CRYBG3: variants seen among roughly 807,000 people sequenced by gnomAD.
The protein encoded by CRYBG3 is crystallin beta-gamma domain containing 3, also known as very large A-kinase anchor protein.
CRYBG3 carries 127 observed loss-of-function variants against 244.2 expected under a neutral mutation model. The ratio of observed to expected loss-of-function variants is 0.52; its 90% CI spans 0.45 to 0.60. The LOEUF is 0.60. CRYBG3 is among the 20% of genes least tolerant of loss of function. CRYBG3 has a pLI of 0.00. For missense variants in CRYBG3, 3,325 were observed against 3,442.5 expected (o/e 0.97, Z 0.85); for synonymous variants, 1,132 against 1,195.8 (o/e 0.95, Z 1.10).
rs575047229 is a variant in CRYBG3, at chr3:97,875,187, T to C, written c.3993T>C (p.Thr1331=). ...RNDTFEDTED[T]WDSELQANTS... ...ATACTTTTGAAGATACTGAGGATAC[T>C]TGGGATTCTGAACTTCAGGCTAATA... The change falls in exon 4 of 22, where the codon ACT becomes ACC. Residue 1331 remains threonine (T), a synonymous_variant. Transcript: ENST00000389622. 7.8e-6 allele frequency: 12 copies of C among 1,535,438 alleles called. No individual in the cohort carries two copies. In the Admixed American group the frequency reaches 1.8e-4, roughly 23 times the overall value.
intron 17 of CRYBG3, among the ~76,000 whole-genome samples, chr3:97,929,387 T>TA (rs2040074182): frequency 6.6e-6 from 1 of 151,890 alleles, no homozygotes; most frequent in Non-Finnish European, 1.5e-5. Context: ...ATCAGAAAAA[T>TA]ATGATTTTAA....
At chr3:97,844,445 A>G (rs2038869296) in intron 2 of CRYBG3, among the ~76,000 whole-genome samples, 1 of 152,184 alleles carries the variant, frequency 6.6e-6, no homozygotes, top group Non-Finnish European at 1.5e-5. Flanking sequence ...GTTTCATAGG[A>G]AGGCTGTTAC....
At chr3:97,825,312 T>C (rs2038563654) in intron 1 of CRYBG3, among the ~76,000 whole-genome samples, 1 of 152,216 alleles carries the variant, frequency 6.6e-6, no homozygotes, top group Non-Finnish European at 1.5e-5. Context: ...CTCAACTTTG[T>C]TTCTTGGCTG....
intron 15 of CRYBG3, among the ~76,000 whole-genome samples, chr3:97,902,377 A>G (rs1395319844): frequency 2.0e-5 from 3 of 151,770 alleles, no homozygotes; most frequent in Non-Finnish European, 4.4e-5. Flanking sequence ...TTATGATGAG[A>G]TATGGCTTAT....
Position 97,873,217 on chromosome 3 carries a change from A to C in CRYBG3, c.2023A>C (p.Met675Leu), listed in dbSNP as rs1290206023. 1 of 1,535,912 alleles carries C rather than the reference A, an allele frequency of 6.5e-7. No individual in the cohort carries two copies. The highest frequency in any genetic ancestry group is 1.2e-5 in the South Asian group (1 of 84,042). The change falls in exon 4 of 22, where the codon ATG becomes CTG. Residue 675 changes from methionine (M) to leucine (L), a missense_variant. This residue lies in a region of CRYBG3 where 1,526 missense variants were observed against 1,443.2 expected (regional missense o/e 1.06). Coordinates refer to ENST00000389622, the MANE Select transcript of CRYBG3 (RefSeq NM_153605.4). ...GAGCAAGTTGGATATTCCTGATTTA[A>C]TGAATGAGGGTTCTCCTGTGCCCAT... ...MLSKLDIPDL[M>L]NEGSPVPIET... is the part of the protein sequence containing the mutation.
chr3:97,880,951 A>G, intron 6 of CRYBG3, 121 bp from the exon 7 acceptor site: 1 of 653,130 alleles, frequency 1.5e-6, no homozygotes. Context: ...ATAGGGTTAT[A>G]TGCTAATAGT....
chr3:97,881,084 T>G lies in CRYBG3; in HGVS notation c.7017T>G (p.Tyr2339Ter), dbSNP rs573326845. The change falls in exon 7 of 22, where the codon TAT becomes TAG. Residue 2339 changes from tyrosine (Y) to a stop codon, truncating the protein, a stop_gained. Transcript: ENST00000389622. LOFTEE classifies it high-confidence loss of function. ...TCTCTTTGTTTAGCTGGATTTTATATGAGAAACCACATTTCCGAGGTCAGA... is the reference window on the plus strand; with the variant it reads ...TCTCTTTGTTTAGCTGGATTTTATAGGAGAAACCACATTTCCGAGGTCAGA... ...IKVVRGCWIL[Y>*]EKPHFRGQKC... is the part of the protein sequence containing the mutation. 2 of 1,590,834 alleles carry G rather than the reference T, an allele frequency of 1.3e-6. No homozygotes were observed. Among genetic ancestry groups the G allele is most frequent in the African/African-American group, 2.7e-5 (2 of 73,558 alleles).
chr3:97,894,140 A>G (rs2039612990), intron 11 of CRYBG3, among the ~76,000 whole-genome samples: 2 of 152,290 alleles, frequency 1.3e-5, no homozygotes, highest in African/African-American at 2.4e-5. Flanking sequence ...ACCCTGCTGT[A>G]AAATATTTTT....
intron 2 of CRYBG3, among the ~76,000 whole-genome samples, chr3:97,862,427 A>T (rs1241088473): frequency 1.2e-4 from 18 of 152,170 alleles, no homozygotes; most frequent in Admixed American, 1.2e-3. Flanking sequence ...GCGACATAGG[A>T]TGAGCAGCCA....
intron 15 of CRYBG3, among the ~76,000 whole-genome samples, chr3:97,907,002 A>T (rs2039783530): frequency 6.6e-6 from 1 of 151,672 alleles, no homozygotes; most frequent in Non-Finnish European, 1.5e-5. Context: ...TATTGAGATA[A>T]TCATGTGGTT....
At chr3:97,831,594 C>T (rs966414954) in intron 1 of CRYBG3, among the ~76,000 whole-genome samples, 1 of 152,028 alleles carries the variant, frequency 6.6e-6, no homozygotes, top group African/African-American at 2.4e-5. Flanking sequence ...AATTATTGTA[C>T]TGTTTATGAA....
Position 97,876,547 on chromosome 3 carries a change from G to A in CRYBG3, c.5353G>A (p.Glu1785Lys), listed in dbSNP as rs939100380. Residue 1785 changes from glutamate to lysine, a missense_variant, in exon 4 of 22, where the codon GAA becomes AAA. By Grantham distance (56) the Glu-to-Lys change is moderately conservative. Transcript: ENST00000389622. ...CACTGAAGGGTCTGTGTTGAAAATG[G>A]AAGCTACTTACCGAAAGACTGCTGA... ...GNTEGSVLKM[E>K]ATYRKTAEEV... is the part of the protein sequence containing the mutation. 1.6e-6 allele frequency: 2 copies of A among 1,232,084 alleles called. No homozygotes were observed. The highest frequency in any genetic ancestry group is 3.1e-5 in the African/African-American group (2 of 64,400). The allele number at this position is 1,232,084 out of a possible 1,614,324, so 76.3% of individuals were successfully genotyped here.
intron 15 of CRYBG3, 39 bp from the exon 16 acceptor site, chr3:97,912,128 T>A: frequency 9.1e-7 from 1 of 1,103,904 alleles, no homozygotes. Context: ...TCTAAGACCA[T>A]TTTTTTTCTA....
rs2038513131 is a variant in CRYBG3, at chr3:97,822,349, C to T, written c.143C>T (p.Ala48Val). 2 of 1,502,772 alleles carry T rather than the reference C, an allele frequency of 1.3e-6. No homozygotes were observed. The highest frequency in any genetic ancestry group is 1.8e-6 in the Non-Finnish European group (2 of 1,129,646). 93.1% of individuals were successfully genotyped at this position (1,502,772 alleles called of 1,614,324 possible). A position where few individuals can be genotyped will look rare whatever the true frequency, so the allele number is the denominator to read the frequency against. ...CCGCCTCCAGCTCCAGGCCGGTCCG[C>T]TGCCAGGTGGGAGTCGAGGAGGGGG... Reference protein sequence around the residue: ...TSPPPAPGRSAASVENEPMST... With the variant: ...TSPPPAPGRSVASVENEPMST... Residue 48 changes from alanine (A) to valine (V), a missense_variant, in exon 1 of 22, where the codon GCT becomes GTT. Ala to Val is a moderately conservative substitution (Grantham distance 64). Coordinates refer to ENST00000389622, the MANE Select transcript of CRYBG3 (RefSeq NM_153605.4).
Position 97,886,801 on chromosome 3 carries a change from A to T in CRYBG3, c.7289+34A>T, listed in dbSNP as rs1400848682. On this transcript the variant is annotated intron_variant, in intron 8 of 21. Transcript: ENST00000389622. ...CAGTTCCTTTTTATTATAGTGATTGATGGCCACCAATTTCATATTTCAATA... is the reference window on the plus strand; with the variant it reads ...CAGTTCCTTTTTATTATAGTGATTGTTGGCCACCAATTTCATATTTCAATA... 10 of 1,488,060 alleles carry T rather than the reference A, an allele frequency of 6.7e-6. No homozygotes were observed. The South Asian group carries it at 1.2e-4, about 18-fold the overall frequency. 92.2% of individuals were successfully genotyped at this position (1,488,060 alleles called of 1,614,324 possible). A position where few individuals can be genotyped will look rare whatever the true frequency, so the allele number is the denominator to read the frequency against.
rs1181927315 is a variant in CRYBG3 at position 97,864,332 on chromosome 3, G to A, written c.332G>A (p.Gly111Glu). 1 of 1,535,866 alleles carries A rather than the reference G, an allele frequency of 6.5e-7. No individual in the cohort carries two copies. The highest frequency in any genetic ancestry group is 2.4e-5 in the East Asian group (1 of 40,904). ...LSSSTSDTKIGESDRQPKESF... is the reference protein window; with the variant it reads ...LSSSTSDTKIEESDRQPKESF... ...AGTTCCACTTCAGATACCAAAATAG[G>A]AGAAAGTGACAGACAGCCAAAAGAA... Residue 111 changes from glycine (G) to glutamate (E), a missense_variant, in exon 3 of 22, where the codon GGA (glycine) becomes GAA (glutamate). Physicochemically the swap from Gly to Glu is moderately conservative, Grantham distance 98. Transcript: ENST00000389622.
At chr3:97,841,762 A>G (rs943588571) in intron 1 of CRYBG3, among the ~76,000 whole-genome samples, 1 of 152,078 alleles carries the variant, frequency 6.6e-6, no homozygotes, top group Admixed American at 6.6e-5. Flanking sequence ...CACTGCATGT[A>G]GGACAAAGGT....
intron 17 of CRYBG3, chr3:97,924,392 C>T (rs1452903279): frequency 2.2e-6 from 1 of 453,970 alleles, no homozygotes; most frequent in Non-Finnish European, 4.4e-6. Flanking sequence ...ACAGAAAAAG[C>T]ACAAATGAAT....
intron 7 of CRYBG3, among the ~76,000 whole-genome samples, chr3:97,882,767 A>T (rs2039465461): frequency 6.6e-6 from 1 of 152,222 alleles, no homozygotes; most frequent in Non-Finnish European, 1.5e-5. Context: ...AGTGGTCTAT[A>T]GCATTCAGAG....
Sources: gnomAD v4.1 joint callset for allele counts (sites outside exome capture counted in the v4.1 genomes callset) on GRCh38, gnomAD v4.1.1 for gene constraint, gnomAD v4.1.1 regional missense constraint, MANE v1.5 for transcripts, NCBI Gene and HGNC (gene_info 2026-07-23, HGNC 2026-07-21) for gene names.